Variants in OR52K1 observed in about 807,000 individuals in gnomAD.
The protein encoded by OR52K1 is olfactory receptor 52K1.
A neutral mutation model predicts 8.7 loss-of-function variants in OR52K1; 10 were observed. That is an observed-to-expected ratio of 1.15 (90% CI 0.71 to 1.95). The LOEUF is 1.95. Ranked by LOEUF, OR52K1 falls within the 30% of genes most tolerant of loss-of-function variation. The pLI is 0.00. For missense variants in OR52K1, 431 were observed against 397.2 expected, an observed-to-expected ratio of 1.08 and a Z score of -0.72; for synonymous variants, 203 against 148.5, an observed-to-expected ratio of 1.37 and a Z score of -2.67.
Position 4,483,156 on chromosome 11 carries a change from C to A in OR52K1, c.-349C>A. 1 of 398,572 alleles carries A rather than the reference C, an allele frequency of 2.5e-6. No individual in the cohort carries two copies. Among genetic ancestry groups the A allele is most frequent in the Non-Finnish European group, 4.4e-6 (1 of 226,036 alleles). The allele number at this position is 398,572 out of a possible 1,614,324, so 24.7% of individuals were successfully genotyped here. A position where few individuals can be genotyped will look rare whatever the true frequency, so the allele number is the denominator to read the frequency against. ...CAAGAGGAAGAAAACGAGGCCTGAACTAGAAAGATGGCAGGGAAAGGTAAG... is the reference window on the plus strand; with the variant it reads ...CAAGAGGAAGAAAACGAGGCCTGAAATAGAAAGATGGCAGGGAAAGGTAAG... On this transcript the variant is annotated 5_prime_UTR_variant, in exon 1 of 2. Transcript: ENST00000641528.
At position 4,489,991 on chromosome 11, in the gene OR52K1, G is replaced by T; in HGVS notation, c.*146G>T. 1 of 653,294 alleles carries T rather than the reference G, an allele frequency of 1.5e-6. No homozygotes were observed. Among genetic ancestry groups the T allele is most frequent in the Non-Finnish European group, 2.6e-6 (1 of 382,094 alleles). 40.5% of individuals were successfully genotyped at this position (653,294 alleles called of 1,614,324 possible). On this transcript the variant is annotated 3_prime_UTR_variant, in exon 2 of 2. Transcript: ENST00000641528. Reference sequence around the variant, plus strand: ...GGAAAATGAGGTTTCATTCCTCACAGATCTACGAGTCAGGTCAAACCAGGA... The same window carrying T: ...GGAAAATGAGGTTTCATTCCTCACATATCTACGAGTCAGGTCAAACCAGGA...
chr11:4,485,011 G>GTC (rs983795415), intron 1 of OR52K1, among the ~76,000 whole-genome samples: 1 of 152,208 alleles, frequency 6.6e-6, no homozygotes, highest in African/African-American at 2.4e-5. Context: ...GGCTTTGCCT[G>GTC]TCTCTCTTCT....
In OR52K1 at chr11:4,488,945, G is replaced by A. The variant is rs749476393; in HGVS notation, c.45G>A (p.Leu15=). The change falls in exon 2 of 2, where the codon TTG becomes TTA. Residue 15 remains leucine, a synonymous_variant. Transcript: ENST00000641528. ...CCTCAACACATCCAGCTGTCTTTTT[G>A]TTGGTAGGAATTCCTGGTTTGGAAC... The part of the protein sequence containing the change: ...NITSTHPAVF[L]LVGIPGLEHL... 1.1e-5 allele frequency: 17 copies of A among 1,613,858 alleles called. No individual in the cohort carries two copies. The highest frequency in any genetic ancestry group is 1.4e-5 in the Non-Finnish European group (17 of 1,179,964).
At position 4,489,111 on chromosome 11, in the gene OR52K1, A is replaced by G. The variant is rs1239591111; in HGVS notation, c.211A>G (p.Ile71Val). The G allele has an allele frequency of 3.1e-6, 5 of 1,614,150 alleles. No homozygotes were observed. Among genetic ancestry groups the G allele is most frequent in the Middle Eastern group, 1.6e-4 (1 of 6,062 alleles). ...MYLFLAMLATIDLVLSSTTLP... is the reference protein window; with the variant it reads ...MYLFLAMLATVDLVLSSTTLP... The stretch of plus-strand genomic sequence containing the variant: ...CCTCTTTCTGGCCATGTTGGCAACC[A>G]TTGACTTGGTTCTTTCTTCTACAAC... Residue 71 changes from isoleucine (I) to valine (V), a missense_variant, in exon 2 of 2, where the codon ATT becomes GTT. Ile to Val is a conservative substitution (Grantham distance 29). Transcript: ENST00000641528.
At chr11:4,488,215 G>T (rs1008632575) in intron 1 of OR52K1, among the ~76,000 whole-genome samples, 2 of 152,212 alleles carry the variant, frequency 1.3e-5, no homozygotes, top group Non-Finnish European at 2.9e-5. Context: ...GTCTTAAACA[G>T]AAATTTCTAC....
At position 4,489,020 on chromosome 11, in the gene OR52K1, C is replaced by A. The variant is rs1472733484; in HGVS notation, c.120C>A (p.Ala40=). The change falls in exon 2 of 2, where the codon GCC becomes GCA. Residue 40 remains alanine, a synonymous_variant. Transcript: ENST00000641528. ...CCTTCTGCTTTGCTTATACTCTGGC[C>A]CTGCTAGGCAACTGTACCCTTCTCT... ...SIPFCFAYTL[A]LLGNCTLLFI... is the part of the protein sequence containing the mutation. The A allele has an allele frequency of 1.2e-6, 2 of 1,614,156 alleles. No homozygotes were observed. The highest frequency in any genetic ancestry group is 1.7e-6 in the Non-Finnish European group (2 of 1,180,000).
Position 4,489,606 on chromosome 11 carries a change from C to T in OR52K1, c.706C>T (p.Arg236Cys), listed in dbSNP as rs781633321. The change falls in exon 2 of 2, where the codon CGC (arginine) becomes TGC (cysteine). Residue 236 changes from arginine (R) to cysteine (C), a missense_variant. By Grantham distance (180) the Arg-to-Cys change is radical. Transcript: ENST00000641528. Reference sequence around the variant, plus strand: ...TCTCCAGCTTGCCTCTCAGGAGGCCCGCTACAAGGCATTTGGGACATGTGT... The same window carrying T: ...TCTCCAGCTTGCCTCTCAGGAGGCCTGCTACAAGGCATTTGGGACATGTGT... ...AVLQLASQEA[R>C]YKAFGTCVSH... The T allele has an allele frequency of 5.4e-5, 87 of 1,613,964 alleles. No individual in the cohort carries two copies. Among genetic ancestry groups the T allele is most frequent in the Admixed American group, 2.5e-4 (15 of 60,004 alleles).
At position 4,490,162 on chromosome 11, in the gene OR52K1, A is replaced by T. The variant is rs558362195; in HGVS notation, c.*317A>T. ...GACCTTTATTGGCTGAGATTGGCCCAAACAGCTGAGTCACCCAAACAGGTG... is the reference window on the plus strand; with the variant it reads ...GACCTTTATTGGCTGAGATTGGCCCTAACAGCTGAGTCACCCAAACAGGTG... On this transcript the variant is annotated 3_prime_UTR_variant, in exon 2 of 2. Coordinates refer to ENST00000641528, the MANE Select transcript of OR52K1 (RefSeq NM_001005171.3). 3.8e-6 allele frequency: 1 copy of T among 264,840 alleles called. No homozygotes were observed. Among genetic ancestry groups the T allele is most frequent in the African/African-American group, 2.2e-5 (1 of 44,822 alleles). The allele number at this position is 264,840 out of a possible 1,614,324, so 16.4% of individuals were successfully genotyped here. A position where few individuals can be genotyped will look rare whatever the true frequency, so the allele number is the denominator to read the frequency against.
chr11:4,488,127 C>T (rs541355375), intron 1 of OR52K1, among the ~76,000 whole-genome samples: 19 of 152,254 alleles, frequency 1.2e-4, no homozygotes, highest in Admixed American at 4.6e-4. Flanking sequence ...TCATTTTCTC[C>T]GTATGCTTGC....
At chr11:4,483,362 C>G (rs1229214817) in intron 1 of OR52K1, among the ~76,000 whole-genome samples, 186 bp downstream of exon 1, 5 of 152,072 alleles carry the variant, frequency 3.3e-5, no homozygotes, top group African/African-American at 9.7e-5. Flanking sequence ...GGTACAGAGG[C>G]CTTTTTTAAG....
In OR52K1 at chr11:4,489,472, G is replaced by A; in HGVS notation, c.572G>A (p.Cys191Tyr). Residue 191 changes from cysteine to tyrosine, a missense_variant, in exon 2 of 2, where the codon TGT becomes TAT. Physicochemically the swap from Cys to Tyr is radical, Grantham distance 194. Coordinates refer to ENST00000641528, the MANE Select transcript of OR52K1 (RefSeq NM_001005171.3). ...CACATGGCTGTGGTAAGGCTGGCGTGTGGGGACACTAGCTTCAACAATATC... is the reference window on the plus strand; with the variant it reads ...CACATGGCTGTGGTAAGGCTGGCGTATGGGGACACTAGCTTCAACAATATC... ...CEHMAVVRLA[C>Y]GDTSFNNIYG... is the part of the protein sequence containing the mutation. The A allele has an allele frequency of 1.2e-6, 2 of 1,614,226 alleles. No individual in the cohort carries two copies. The highest frequency in any genetic ancestry group is 1.7e-6 in the Non-Finnish European group (2 of 1,180,032).
Position 4,483,625 on chromosome 11 carries a change from T to TA in OR52K1, c.-329+449_-329+450insA, listed in dbSNP as rs1491462465. ...GAAGAAATCTGATAGAAGAGATGCC[T>TA]TTTTTTCTTGTATGAAGATGGGTAG... On this transcript the variant is annotated intron_variant, in intron 1 of 1. Transcript: ENST00000641528. 7.7e-5 allele frequency among the ~76,000 whole-genome samples: 5 copies of TA among 64,566 alleles called. No homozygotes were observed. In the South Asian group the frequency reaches 3.3e-3, roughly 43 times the overall value. 42.4% of individuals were successfully genotyped at this position (64,566 alleles called of 152,430 possible). A position where few individuals can be genotyped will look rare whatever the true frequency, so the allele number is the denominator to read the frequency against.
At position 4,490,772 on chromosome 11, in the gene OR52K1, G is replaced by A. The variant is rs1269307871; in HGVS notation, c.*927G>A. ...TTACTGTATGTTTTTTAACTTTTAA[G>A]TTACATGTACAGGTTTGTTATCTAG... On this transcript the variant is annotated 3_prime_UTR_variant, in exon 2 of 2. Coordinates refer to ENST00000641528, the MANE Select transcript of OR52K1 (RefSeq NM_001005171.3). 6.6e-6 allele frequency: 1 copy of A among 152,138 alleles called. No individual in the cohort carries two copies. The highest frequency in any genetic ancestry group is 6.5e-5 in the Admixed American group (1 of 15,280). 9.4% of individuals were successfully genotyped at this position (152,138 alleles called of 1,614,324 possible).
chr11:4,492,940 G>T lies in OR52K1; in HGVS notation c.*3095G>T. On this transcript the variant is annotated 3_prime_UTR_variant, in exon 2 of 2. Coordinates refer to ENST00000641528, the MANE Select transcript of OR52K1 (RefSeq NM_001005171.3). ...TATTGGATACAAGGCAAAAGGGGCA[G>T]GGTAAAGAGTGTGAGTCATCTCCAA... 5.6e-6 allele frequency: 1 copy of T among 178,952 alleles called. No individual in the cohort carries two copies. 11.1% of individuals were successfully genotyped at this position (178,952 alleles called of 1,614,324 possible). A position where few individuals can be genotyped will look rare whatever the true frequency, so the allele number is the denominator to read the frequency against.
chr11:4,488,506 G>A, intron 1 of OR52K1, 67 bp from the exon 2 acceptor site: 1 of 168,614 alleles, frequency 5.9e-6, no homozygotes, highest in South Asian at 1.4e-4. Context: ...TAACTGAAAG[G>A]TAGAATGGTA....
chr11:4,488,772 C>A lies in OR52K1; in HGVS notation c.-129C>A. The A allele has an allele frequency of 1.5e-6, 1 of 676,086 alleles. No homozygotes were observed. The highest frequency in any genetic ancestry group is 2.6e-6 in the Non-Finnish European group (1 of 385,828). The allele number at this position is 676,086 out of a possible 1,614,324, so 41.9% of individuals were successfully genotyped here. A position where few individuals can be genotyped will look rare whatever the true frequency, so the allele number is the denominator to read the frequency against. ...CTAGGTTATTTTGTTTAAAGTCTAG[C>A]AATGGAAACAAGAGGTAATCTTTGC... On this transcript the variant is annotated 5_prime_UTR_variant, in exon 2 of 2. Coordinates refer to ENST00000641528, the MANE Select transcript of OR52K1 (RefSeq NM_001005171.3).
rs368528167 is a variant in OR52K1, at chr11:4,489,271, G to A, written c.371G>A (p.Arg124His). The change falls in exon 2 of 2, where the codon CGC (arginine) becomes CAC (histidine). Residue 124 changes from arginine (R) to histidine (H), a missense_variant. Transcript: ENST00000641528. ...GTGCTGCTGGCCATGGCCTTTGACC[G>A]CTATGTGGCCATCTGCAAGCCATTG... Reference protein sequence around the residue: ...SAVLLAMAFDRYVAICKPLHY... With the variant: ...SAVLLAMAFDHYVAICKPLHY... The A allele has an allele frequency of 4.7e-5, 76 of 1,614,150 alleles. 2 individuals are homozygous for A. Among genetic ancestry groups the A allele is most frequent in the South Asian group, 2.9e-4 (26 of 91,084 alleles).
chr11:4,488,006 G>A (rs1224843076), intron 1 of OR52K1, among the ~76,000 whole-genome samples: 1 of 152,196 alleles, frequency 6.6e-6, no homozygotes, highest in Non-Finnish European at 1.5e-5. Flanking sequence ...TGCTAAAGAT[G>A]AGAGCAAATT....
At position 4,489,808 on chromosome 11, in the gene OR52K1, A is replaced by T. The variant is rs1329980969; in HGVS notation, c.908A>T (p.Glu303Val). The T allele has an allele frequency of 2.5e-6, 4 of 1,612,968 alleles. No homozygotes were observed. Among genetic ancestry groups the T allele is most frequent in the Admixed American group, 1.7e-5 (1 of 60,002 alleles). The change falls in exon 2 of 2, where the codon GAG (glutamate) becomes GTG (valine). Residue 303 changes from glutamate (E) to valine (V), a missense_variant. Glu to Val is a moderately radical substitution (Grantham distance 121, BLOSUM62 -2). Transcript: ENST00000641528. The stretch of plus-strand genomic sequence containing the variant: ...GGAGTCAAGACCAAGCAGATTCGTG[A>T]GTATGTGCTCAGTCTATTCCAGAGA... The part of the protein sequence containing the change: ...IYGVKTKQIR[E>V]YVLSLFQRKN...
Sources: allele counts gnomAD v4.1 joint callset (sites outside exome capture counted in the v4.1 genomes callset), GRCh38; gene constraint gnomAD v4.1.1; transcripts MANE v1.5; gene names NCBI Gene and HGNC (gene_info 2026-07-23, HGNC 2026-07-21).